Variants in AOX1 observed in about 807,000 individuals in gnomAD.
The protein encoded by AOX1 is aldehyde oxidase 1, also known as aldehyde oxidase.
A neutral mutation model predicts 169.5 loss-of-function variants in AOX1; 153 were observed. The ratio of observed to expected loss-of-function variants is 0.90; its 90% CI spans 0.79 to 1.03. The LOEUF (loss-of-function observed/expected upper bound fraction) is 1.03, where lower values mean the gene tolerates loss of function less well. Ranked by LOEUF, AOX1 falls within the 50% of genes least tolerant of loss-of-function variation. The pLI, the probability that AOX1 is intolerant of heterozygous loss-of-function variation, is 0.00. For synonymous variants in AOX1, 562 were observed against 581.9 expected, an observed-to-expected ratio of 0.97 and a Z score of 0.49; for missense variants, 1,656 against 1,663.9, an observed-to-expected ratio of 1.00 and a Z score of 0.08.
chr2:200,586,393 C>T (rs986578389), intron 1 of AOX1, among the ~76,000 whole-genome samples: 5 of 152,204 alleles, frequency 3.3e-5, no homozygotes. Flanking sequence ...TTATGTTCCC[C>T]TTTCCTCTCC....
chr2:200,619,426 G>A (rs971373319), intron 16 of AOX1, among the ~76,000 whole-genome samples: 14 of 152,140 alleles, frequency 9.2e-5, no homozygotes, highest in Admixed American at 1.3e-4. Context: ...TCCCAGTACC[G>A]AGTGCAATGT....
At chr2:200,614,427 G>C (rs1270263744) in intron 15 of AOX1, among the ~76,000 whole-genome samples, 1 of 152,200 alleles carries the variant, frequency 6.6e-6, no homozygotes, top group African/African-American at 2.4e-5. Context: ...CGTCATTGTA[G>C]GAAAAGGGCT....
intron 1 of AOX1, among the ~76,000 whole-genome samples, chr2:200,589,808 A>G (rs927149428): frequency 6.6e-6 from 1 of 152,170 alleles, no homozygotes; most frequent in Non-Finnish European, 1.5e-5. Context: ...GGAATCTGGA[A>G]AGAGCAGTTT....
chr2:200,586,519 C>T (rs1023687907), intron 1 of AOX1, among the ~76,000 whole-genome samples: 4 of 152,204 alleles, frequency 2.6e-5, no homozygotes, highest in Non-Finnish European at 4.4e-5. Flanking sequence ...CAATCCCAGC[C>T]GATAACGGGA....
At chr2:200,631,193 TA>T (rs1283106191) in intron 20 of AOX1, among the ~76,000 whole-genome samples, 2 of 152,224 alleles carry the variant, frequency 1.3e-5, no homozygotes, top group Non-Finnish European at 2.9e-5. Flanking sequence ...CAGAGGATGC[TA>T]AAGATTACCA....
downstream of AOX1, chr2:200,681,632 T>G (rs955806640): frequency 1.3e-5 from 2 of 152,162 alleles, no homozygotes; most frequent in Non-Finnish European, 2.9e-5. Context: ...ACCTCTTGAG[T>G]AGTGTGGGCA....
rs772723105 is a variant in AOX1, at chr2:200,637,060, C to T, written c.2480+16C>T. On this transcript the variant is annotated intron_variant, in intron 22 of 34. Transcript: ENST00000374700. ...CCGCAAACAAGTAAGTGGAGAAAAT[C>T]TGCTAAAAATAAAGTGAAGTCACAC... 4 of 1,613,258 alleles carry T rather than the reference C, an allele frequency of 2.5e-6. No homozygotes were observed. The highest frequency in any genetic ancestry group is 1.1e-5 in the South Asian group (1 of 90,920).
chr2:200,627,476 C>A, intron 20 of AOX1, 27 bp downstream of exon 20: 1 of 1,489,752 alleles, frequency 6.7e-7, no homozygotes, highest in South Asian at 1.1e-5. Context: ...GAGTAAACAA[C>A]CCTGGAAGTC....
chr2:200,604,816 G>C lies in AOX1; in HGVS notation c.790G>C (p.Val264Leu), dbSNP rs1228808534. The change falls in exon 9 of 35, where the codon GTT becomes CTT. Residue 264 changes from valine to leucine, a missense_variant. Val to Leu is a conservative substitution (Grantham distance 32). Coordinates refer to ENST00000374700, the MANE Select transcript of AOX1 (RefSeq NM_001159.4). ...TAAATTCAAGTATCCCCAGGCTCCT[G>C]TTATCATGGGAAACACCTCTGTGGG... ...EFKFKYPQAPVIMGNTSVGPE... is the reference protein window; with the variant it reads ...EFKFKYPQAPLIMGNTSVGPE... 4 of 1,473,182 alleles carry C rather than the reference G, an allele frequency of 2.7e-6. No homozygotes were observed. In the Admixed American group the frequency reaches 5.4e-5, roughly 20 times the overall value. The allele number at this position is 1,473,182 out of a possible 1,614,324, so 91.3% of individuals were successfully genotyped here. A position where few individuals can be genotyped will look rare whatever the true frequency, so the allele number is the denominator to read the frequency against.
At chr2:200,610,956 T>A (rs1489225264) in intron 12 of AOX1, among the ~76,000 whole-genome samples, 3 of 152,124 alleles carry the variant, frequency 2.0e-5, no homozygotes, top group Non-Finnish European at 4.4e-5. Context: ...CGGGTTCAAG[T>A]GATTTTCCTG....
intron 16 of AOX1, among the ~76,000 whole-genome samples, chr2:200,619,212 C>T (rs944639562): frequency 6.6e-6 from 1 of 152,188 alleles, no homozygotes; most frequent in African/African-American, 2.4e-5. Context: ...GACTTGTTCT[C>T]TCTTCCCTCC....
Position 200,668,853 on chromosome 2 carries a change from G to A in AOX1, c.3798+50G>A, listed in dbSNP as rs761087808. 3 of 1,519,368 alleles carry A rather than the reference G, an allele frequency of 2.0e-6. No homozygotes were observed. In the South Asian group the frequency reaches 3.6e-5, roughly 18 times the overall value. The allele number at this position is 1,519,368 out of a possible 1,614,324, so 94.1% of individuals were successfully genotyped here. On this transcript the variant is annotated intron_variant, in intron 33 of 34. Coordinates refer to ENST00000374700, the MANE Select transcript of AOX1 (RefSeq NM_001159.4). Reference sequence around the variant, plus strand: ...ATGCATGTTTATATGATACCTGTTGGGTGACAGGAAGGCTACATTCCTCTC... The same window carrying A: ...ATGCATGTTTATATGATACCTGTTGAGTGACAGGAAGGCTACATTCCTCTC...
chr2:200,629,823 T>C (rs996812818), intron 20 of AOX1, among the ~76,000 whole-genome samples: 1 of 152,244 alleles, frequency 6.6e-6, no homozygotes, highest in Non-Finnish European at 1.5e-5. Flanking sequence ...TGACATCTTC[T>C]TTAATTATCT....
chr2:200,620,007 G>A (rs2034848565), intron 16 of AOX1, among the ~76,000 whole-genome samples: 1 of 152,122 alleles, frequency 6.6e-6, no homozygotes, highest in South Asian at 2.1e-4. Context: ...GCATTAGCAA[G>A]AGGACATAAT....
chr2:200,677,005 A>ATGC, exon 5 of AOX1: 1 of 455,362 alleles, frequency 2.2e-6, no homozygotes, highest in Non-Finnish European at 4.5e-6. Context: ...GTTTGTTTGT[A>ATGC]TGTGAATGGA....
intron 1 of AOX1, among the ~76,000 whole-genome samples, chr2:200,589,573 C>T (rs564527504): frequency 6.6e-6 from 1 of 152,230 alleles, no homozygotes; most frequent in African/African-American, 2.4e-5. Flanking sequence ...GAACCTTTTC[C>T]CTTGAAATTG....
intron 20 of AOX1, among the ~76,000 whole-genome samples, chr2:200,630,212 A>T (rs1399048057): frequency 4.4e-5 from 2 of 45,416 alleles, no homozygotes; most frequent in Admixed American, 2.5e-4. Flanking sequence ...CTTCTATTTA[A>T]AAAAAAAAAA....
chr2:200,646,924 T>C (rs2035465057), intron 25 of AOX1, among the ~76,000 whole-genome samples: 1 of 152,162 alleles, frequency 6.6e-6, no homozygotes, highest in South Asian at 2.1e-4. Context: ...AATTGCCTTT[T>C]TCCACTTCTT....
Position 200,637,015 on chromosome 2 carries a change from T to C in AOX1, c.2451T>C (p.Ile817=), listed in dbSNP as rs1021390929. Residue 817 remains isoleucine, a synonymous_variant, in exon 22 of 35, where the codon ATT becomes ATC. Transcript: ENST00000374700. ...FGGKVLKTGI[I]AAVTAFAANK... ...GGAAGGTGTTAAAAACCGGAATCAT[T>C]GCAGCCGTCACTGCATTTGCCGCAA... is the stretch of plus-strand genomic sequence containing the variant. 8 of 1,614,012 alleles carry C rather than the reference T, an allele frequency of 5.0e-6. No individual in the cohort carries two copies. In the African/African-American group the frequency reaches 6.7e-5, roughly 13 times the overall value.
Sources: allele counts gnomAD v4.1 joint callset (sites outside exome capture counted in the v4.1 genomes callset), GRCh38; gene constraint gnomAD v4.1.1; transcripts MANE v1.5; gene names NCBI Gene and HGNC (gene_info 2026-07-23, HGNC 2026-07-21).